Variants in LPP observed in about 807,000 individuals in gnomAD.
LPP encodes LIM domain containing preferred translocation partner in lipoma.
In LPP, 38 loss-of-function variants were observed where a neutral mutation model predicts 60.4. That is an observed-to-expected ratio of 0.63 (90% CI 0.49 to 0.83). LPP has a LOEUF of 0.83. Ranked by LOEUF, LPP falls within the 40% of genes least tolerant of loss-of-function variation. LPP has a pLI of 0.00. For synonymous variants in LPP, 328 were observed against 290.8 expected (o/e 1.13, Z -1.30); for missense variants, 902 against 783.6 (o/e 1.15, Z -1.80).
At chr3:188,418,496 G>T (rs1268383088) in intron 4 of LPP, among the ~76,000 whole-genome samples, 1 of 152,100 alleles carries the variant, frequency 6.6e-6, no homozygotes, top group Non-Finnish European at 1.5e-5. Flanking sequence ...TTGCAAAGCT[G>T]GGAATTGAAC....
chr3:188,254,847 TGGA>T (rs1560164588), intron 2 of LPP, among the ~76,000 whole-genome samples: 1 of 152,154 alleles, frequency 6.6e-6, no homozygotes, highest in African/African-American at 2.4e-5. Context: ...TTGACAGGAA[TGGA>T]TACCTAAATA....
chr3:188,642,996 A>G (rs533733895), intron 7 of LPP, among the ~76,000 whole-genome samples: 53 of 152,276 alleles, frequency 3.5e-4, no homozygotes, highest in African/African-American at 1.2e-3. Flanking sequence ...CCAAAATGCT[A>G]AAAGAATTTA....
At chr3:188,317,689 T>C (rs547970272) in intron 2 of LPP, among the ~76,000 whole-genome samples, 29 of 152,300 alleles carry the variant, frequency 1.9e-4, no homozygotes, top group South Asian at 1.2e-3. Flanking sequence ...GCTGGGAAGG[T>C]AGACTGTTGT....
chr3:188,278,697 A>G (rs956520797), intron 2 of LPP, among the ~76,000 whole-genome samples: 5 of 152,116 alleles, frequency 3.3e-5, no homozygotes, highest in Admixed American at 6.5e-5. Flanking sequence ...TGGCTCTATT[A>G]TAATACAATA....
At chr3:188,607,391 A>T (rs1413988605) in intron 6 of LPP, among the ~76,000 whole-genome samples, 34 of 30,492 alleles carry the variant, frequency 1.1e-3, no homozygotes, top group African/African-American at 4.5e-3. Context: ...ATATATATAT[A>T]TATATATATA....
At chr3:188,581,783 A>T (rs2150989487) in intron 6 of LPP, among the ~76,000 whole-genome samples, 1 of 152,206 alleles carries the variant, frequency 6.6e-6, no homozygotes, top group East Asian at 1.9e-4. Flanking sequence ...TCATTCTTCC[A>T]GCACTCTCTC....
intron 2 of LPP, among the ~76,000 whole-genome samples, chr3:188,248,190 C>T (rs1473177112): frequency 6.6e-6 from 1 of 151,830 alleles, no homozygotes; most frequent in Admixed American, 6.6e-5. Context: ...ACCCAAACAA[C>T]GTGAATGTAA....
chr3:188,781,249 G>T (rs1021691908), intron 9 of LPP, among the ~76,000 whole-genome samples: 35 of 152,162 alleles, frequency 2.3e-4, no homozygotes, highest in African/African-American at 8.0e-4. Flanking sequence ...AAAGGAAGGT[G>T]GACACATGAG....
At chr3:188,334,077 C>T (rs1489636641) in intron 2 of LPP, among the ~76,000 whole-genome samples, 2 of 152,156 alleles carry the variant, frequency 1.3e-5, no homozygotes, top group Non-Finnish European at 2.9e-5. Context: ...TCTATGTGAT[C>T]GATTTCTTTC....
At chr3:188,571,103 A>C (rs896455670) in intron 6 of LPP, among the ~76,000 whole-genome samples, 1 of 152,074 alleles carries the variant, frequency 6.6e-6, no homozygotes, top group African/African-American at 2.4e-5. Context: ...AGAAAAAAAA[A>C]TCAATCATTA....
At chr3:188,704,233 A>G (rs541786563) in intron 7 of LPP, among the ~76,000 whole-genome samples, 4 of 152,278 alleles carry the variant, frequency 2.6e-5, no homozygotes, top group Admixed American at 1.3e-4. Flanking sequence ...TTTCAATTCC[A>G]CTACCTGAAC....
At chr3:188,316,218 C>T (rs756229095) in intron 2 of LPP, among the ~76,000 whole-genome samples, 4 of 152,148 alleles carry the variant, frequency 2.6e-5, no homozygotes, top group Non-Finnish European at 5.9e-5. Flanking sequence ...GCGGAGGTTG[C>T]AGTGAGCCAG....
intron 2 of LPP, among the ~76,000 whole-genome samples, chr3:188,283,269 G>A (rs1220112903): frequency 1.3e-5 from 2 of 152,172 alleles, no homozygotes; most frequent in African/African-American, 4.8e-5. Context: ...AGGAGAAAGT[G>A]GTTTACATGA....
intron 4 of LPP, among the ~76,000 whole-genome samples, chr3:188,482,003 G>C (rs1474495707): frequency 6.6e-6 from 1 of 152,184 alleles, no homozygotes; most frequent in Non-Finnish European, 1.5e-5. Flanking sequence ...GGTGGGAGGG[G>C]ATTGGATCAT....
At chr3:188,820,543 T>C (rs1291791271) in intron 9 of LPP, among the ~76,000 whole-genome samples, 1 of 152,086 alleles carries the variant, frequency 6.6e-6, no homozygotes, top group Non-Finnish European at 1.5e-5. Context: ...TTCATATATG[T>C]GAATGTGAAT....
At chr3:188,177,505 C>G (rs1723414748) in intron 1 of LPP, among the ~76,000 whole-genome samples, 2 of 152,060 alleles carry the variant, frequency 1.3e-5, no homozygotes, top group African/African-American at 4.8e-5. Context: ...GGCAAAGACA[C>G]TAGATCAGAA....
intron 9 of LPP, among the ~76,000 whole-genome samples, chr3:188,835,778 A>T (rs1374679115): frequency 6.6e-6 from 1 of 152,212 alleles, no homozygotes; most frequent in Non-Finnish European, 1.5e-5. Context: ...ATGGGCAGAG[A>T]GGCTGTGCCC....
chr3:188,865,917 T>C (rs904853829), intron 9 of LPP, among the ~76,000 whole-genome samples: 14 of 152,214 alleles, frequency 9.2e-5, no homozygotes, highest in African/African-American at 3.4e-4. Flanking sequence ...TGCCACCTAC[T>C]ACCTGAGTAA....
At chr3:188,641,337 C>G (rs1021096866) in intron 7 of LPP, among the ~76,000 whole-genome samples, 1 of 152,180 alleles carries the variant, frequency 6.6e-6, no homozygotes, top group African/African-American at 2.4e-5. Flanking sequence ...AGGACACATG[C>G]ATAGAAGTGT....
Sources: allele counts gnomAD v4.1 joint callset (sites outside exome capture counted in the v4.1 genomes callset), GRCh38; gene constraint gnomAD v4.1.1; transcripts MANE v1.5; gene names NCBI Gene and HGNC (gene_info 2026-07-23, HGNC 2026-07-21).